The following CDC23 variants were observed in gnomAD, a reference collection of about 807,000 sequenced individuals.
CDC23 encodes the protein cell division cycle protein 23 homolog.
In CDC23, 26 loss-of-function variants were observed where a neutral mutation model predicts 81.7. That is an observed-to-expected ratio of 0.32 (90% CI 0.23 to 0.44). The LOEUF (loss-of-function observed/expected upper bound fraction) is 0.44. CDC23 is among the 20% of genes least tolerant of loss of function. The pLI is 1.00. For synonymous variants in CDC23, 267 were observed against 270.8 expected (o/e 0.99, Z 0.14); for missense variants, 519 against 728.0 (o/e 0.71, Z 3.30).
chr5:138,194,815 G>A (rs1042407246), intron 9 of CDC23, among the ~76,000 whole-genome samples: 2 of 144,966 alleles, frequency 1.4e-5, no homozygotes, highest in African/African-American at 2.6e-5. Flanking sequence ...TCCGCCTCCC[G>A]GATTCTAGCG....
In CDC23 at chr5:138,202,170, C is replaced by T. The variant is rs1338388895; in HGVS notation, c.373-15G>A. Reference sequence around the variant, plus strand: ...TTTTCTCCAGACTGTAAGAGAAAATCAACAAATAGGTCTTTTTTCAGTTTA... The same window carrying T: ...TTTTCTCCAGACTGTAAGAGAAAATTAACAAATAGGTCTTTTTTCAGTTTA... On this transcript the variant is annotated splice_polypyrimidine_tract_variant and intron_variant, in intron 3 of 15. Coordinates refer to ENST00000394886, the MANE Select transcript of CDC23 (RefSeq NM_004661.4). 2 of 1,595,650 alleles carry T rather than the reference C, an allele frequency of 1.3e-6. No individual in the cohort carries two copies. Among genetic ancestry groups the T allele is most frequent in the Non-Finnish European group, 1.7e-6 (2 of 1,165,740 alleles).
chr5:138,193,654 A>G (rs1002239281), intron 9 of CDC23, among the ~76,000 whole-genome samples: 3 of 151,292 alleles, frequency 2.0e-5, no homozygotes, highest in African/African-American at 7.3e-5. Flanking sequence ...CAGGTACCTC[A>G]AGGGTTAAAA....
intron 2 of CDC23, among the ~76,000 whole-genome samples, chr5:138,210,629 T>A (rs976154346): frequency 1.3e-5 from 2 of 152,194 alleles, no homozygotes; most frequent in Admixed American, 1.3e-4. Flanking sequence ...TCAGAGATAG[T>A]CCCTAGAGAA....
chr5:138,192,370 G>A lies in CDC23; in HGVS notation c.1185C>T (p.Asn395=), dbSNP rs761757392. The A allele has an allele frequency of 1.9e-6, 3 of 1,614,190 alleles. No homozygotes were observed. Among genetic ancestry groups the A allele is most frequent in the Non-Finnish European group, 2.5e-6 (3 of 1,180,040 alleles). ...CATACCAAGCTCTGTAGTCCCGTTTGTTGACCTCAATGGCATGTCTAAGAA... is the reference window on the plus strand; with the variant it reads ...CATACCAAGCTCTGTAGTCCCGTTTATTGACCTCAATGGCATGTCTAAGAA... ...IQAYRHAIEV[N]KRDYRAWYGL... The change falls in exon 11 of 16, where the codon AAC becomes AAT. Residue 395 remains asparagine (N), a synonymous_variant. Transcript: ENST00000394886.
chr5:138,197,304 C>CAA lies in CDC23; in HGVS notation c.1012+893_1012+894dup, dbSNP rs33974714. Among the ~76,000 whole-genome samples, 95 of 58,320 alleles carry CAA rather than the reference C, an allele frequency of 1.6e-3. 1 individual carries two copies. Among genetic ancestry groups the CAA allele is most frequent in the South Asian group, 0.011 (19 of 1,764 alleles). The allele number at this position is 58,320 out of a possible 152,430, so 38.3% of individuals were successfully genotyped here. ...GGACGACAGAGCGAGACTCTGTCAC[C>CAA]AAAAAAAAAAAAAAAAAAAGTACAT... On this transcript the variant is annotated intron_variant, in intron 9 of 15. Coordinates refer to ENST00000394886, the MANE Select transcript of CDC23 (RefSeq NM_004661.4).
At chr5:138,202,040 G>A in intron 4 of CDC23, 73 bp downstream of exon 4, 1 of 1,032,126 alleles carries the variant, frequency 9.7e-7, no homozygotes. Context: ...CATATTACCT[G>A]CCTGGCTGTT....
chr5:138,189,860 T>A lies in CDC23; in HGVS notation c.1471A>T (p.Ile491Phe). 1 of 1,614,146 alleles carries A rather than the reference T, an allele frequency of 6.2e-7. No individual in the cohort carries two copies. Among genetic ancestry groups the A allele is most frequent in the Non-Finnish European group, 8.5e-7 (1 of 1,180,016 alleles). The change falls in exon 14 of 16, where the codon ATC becomes TTC. Residue 491 changes from isoleucine (I) to phenylalanine (F), a missense_variant. Around this residue, in one of 4 missense-constraint regions of CDC23, gnomAD observed 175 missense variants for 337.8 expected, o/e 0.52. Coordinates refer to ENST00000394886, the MANE Select transcript of CDC23 (RefSeq NM_004661.4). The stretch of plus-strand genomic sequence containing the variant: ...GAATAGATATCTTGGATATATTTGA[T>A]GTAACACTGGGCAGCCTGTTCTGAC... Reference protein sequence around the residue: ...TESEQAAQCYIKYIQDIYSCG... With the variant: ...TESEQAAQCYFKYIQDIYSCG...
chr5:138,204,212 G>A (rs560756780), intron 3 of CDC23, among the ~76,000 whole-genome samples: 84 of 152,200 alleles, frequency 5.5e-4, no homozygotes, highest in Non-Finnish European at 9.3e-4. Context: ...AAACTATAAA[G>A]AGTACAGAAG....
rs532362948 is a variant in CDC23 at position 138,193,631 on chromosome 5, C to CA, written c.1013-975dup. ...GAAAAAAAGAGGTATGATTCTGTCT[C>CA]AAAAAAAAAAAACAGGTACCTCAAG... On this transcript the variant is annotated intron_variant, in intron 9 of 15. Coordinates refer to ENST00000394886, the MANE Select transcript of CDC23 (RefSeq NM_004661.4). Among the ~76,000 whole-genome samples, 246 of 132,646 alleles carry CA rather than the reference C, an allele frequency of 1.9e-3. 1 individual carries two copies. The highest frequency in any genetic ancestry group is 3.9e-3 in the Middle Eastern group (1 of 254). The allele number at this position is 132,646 out of a possible 152,430, so 87.0% of individuals were successfully genotyped here. A position where few individuals can be genotyped will look rare whatever the true frequency, so the allele number is the denominator to read the frequency against.
At chr5:138,206,818 T>C (rs980226694) in intron 2 of CDC23, 134 bp from the exon 3 acceptor site, 27 of 548,192 alleles carry the variant, frequency 4.9e-5, no homozygotes, top group African/African-American at 4.4e-4. Flanking sequence ...CTAGAATATG[T>C]AGATGCATAT....
At chr5:138,206,160 CAGTCATACTTTTTAAT>C (rs1470989952) in intron 3 of CDC23, 6 of 281,420 alleles carry the variant, frequency 2.1e-5, no homozygotes, top group Admixed American at 9.8e-5. Context: ...TTGTCCTTTA[CAGTCATACTTTTTAAT>C]AGCCATGAAA....
intron 6 of CDC23, among the ~76,000 whole-genome samples, chr5:138,199,253 T>A (rs939752540): frequency 6.6e-6 from 1 of 152,108 alleles, no homozygotes; most frequent in African/African-American, 2.4e-5. Context: ...AGGGAACCAC[T>A]GCAAATATTC....
chr5:138,213,053 A>G lies in CDC23; in HGVS notation c.172T>C (p.Leu58=), dbSNP rs1323519907. 3.7e-6 allele frequency: 6 copies of G among 1,613,696 alleles called. No individual in the cohort carries two copies. The highest frequency in any genetic ancestry group is 4.2e-6 in the Non-Finnish European group (5 of 1,179,910). The change falls in exon 2 of 16, where the codon TTG becomes CTG. Residue 58 remains leucine (L), a synonymous_variant. Coordinates refer to ENST00000394886, the MANE Select transcript of CDC23 (RefSeq NM_004661.4). ...GGCAATGCAGGGAGAGAGAAAGCCA[A>G]CTCCGCCGACCTGGAACACCCACAC... ...LLHSSKWSAE[L]AFSLPALPLA... is the part of the protein sequence containing the mutation.
intron 9 of CDC23, among the ~76,000 whole-genome samples, chr5:138,195,914 A>T (rs1754899925): frequency 6.7e-6 from 1 of 148,350 alleles, no homozygotes. Context: ...AGTCACATCA[A>T]GACATAAAAG....
chr5:138,191,251 C>A (rs558177165), intron 13 of CDC23, among the ~76,000 whole-genome samples: 1 of 152,168 alleles, frequency 6.6e-6, no homozygotes, highest in African/African-American at 2.4e-5. Context: ...CTCCCTCAGC[C>A]GCCCAAAGTG....
chr5:138,190,384 G>A (rs1230664539), intron 13 of CDC23, among the ~76,000 whole-genome samples: 1 of 151,236 alleles, frequency 6.6e-6, no homozygotes, highest in East Asian at 1.9e-4. Context: ...CTTTAACTTG[G>A]AAGGTGGAGG....
chr5:138,201,196 T>G lies in CDC23; in HGVS notation c.565A>C (p.Ile189Leu), dbSNP rs1001291310. The change falls in exon 6 of 16, where the codon ATT becomes CTT. Residue 189 changes from isoleucine to leucine, a missense_variant. Coordinates refer to ENST00000394886, the MANE Select transcript of CDC23 (RefSeq NM_004661.4). ...TGAGTAGCTTCCACAAACACATCAA[T>G]GGCCTCTTTAACCAAGTCCAGTTTT... ...LRKLDLVKEA[I>L]DVFVEATHVL... 6.2e-7 allele frequency: 1 copy of G among 1,614,176 alleles called. No individual in the cohort carries two copies. The highest frequency in any genetic ancestry group is 1.7e-5 in the Admixed American group (1 of 60,028).
chr5:138,197,304 C>CAAAA (rs33974714), intron 9 of CDC23, among the ~76,000 whole-genome samples: 3 of 58,352 alleles, frequency 5.1e-5, no homozygotes, highest in African/African-American at 8.7e-5. Flanking sequence ...ACTCTGTCAC[C>CAAAA]AAAAAAAAAA....
rs138574977 is a variant in CDC23 at position 138,201,208 on chromosome 5, C to G, written c.553G>C (p.Val185Leu). 521 of 1,614,162 alleles carry G rather than the reference C, an allele frequency of 3.2e-4. 1 individual carries two copies. The African/African-American group carries it at 6.4e-3, about 20-fold the overall frequency. ...YGVVLRKLDL[V>L]KEAIDVFVEA... is the part of the protein sequence containing the mutation. ...ACAAACACATCAATGGCCTCTTTAACCAAGTCCAGTTTTCGAAGCACCACA... is the reference window on the plus strand; with the variant it reads ...ACAAACACATCAATGGCCTCTTTAAGCAAGTCCAGTTTTCGAAGCACCACA... Residue 185 changes from valine to leucine, a missense_variant, in exon 6 of 16, where the codon GTT becomes CTT. Physicochemically the swap from Val to Leu is conservative, Grantham distance 32. Transcript: ENST00000394886.
Sources: gnomAD v4.1 joint callset for allele counts (sites outside exome capture counted in the v4.1 genomes callset) on GRCh38, gnomAD v4.1.1 for gene constraint, gnomAD v4.1.1 regional missense constraint, MANE v1.5 for transcripts, NCBI Gene and HGNC (gene_info 2026-07-23, HGNC 2026-07-21) for gene names.